The following PTPRT variants were observed in gnomAD, a reference collection of about 807,000 sequenced individuals.
PTPRT encodes the protein protein tyrosine phosphatase receptor type T.
In PTPRT, 56 loss-of-function variants were observed where a neutral mutation model predicts 176.8. The observed-to-expected ratio is 0.32, with a 90% CI of 0.26 to 0.40. The LOEUF (loss-of-function observed/expected upper bound fraction) is 0.40. Ranked by LOEUF, PTPRT falls within the 10% of genes least tolerant of loss-of-function variation. The pLI is 1.00. For synonymous variants in PTPRT, 783 were observed against 739.0 expected (o/e 1.06, Z -0.96); for missense variants, 1,540 against 1,908.2 (o/e 0.81, Z 3.60).
chr20:42,059,593 TAAG>T, the PTPRT span, among the ~76,000 whole-genome samples: 11 of 152,094 alleles, frequency 7.2e-5, no homozygotes, highest in Non-Finnish European at 1.5e-4. Context: ...TCAGAAGCAA[TAAG>T]GAGAAGATGA....
intron 16 of PTPRT, among the ~76,000 whole-genome samples, chr20:42,179,689 C>T (rs751255631): frequency 1.6e-4 from 24 of 152,182 alleles, no homozygotes; most frequent in Non-Finnish European, 2.8e-4. Flanking sequence ...AGCAATGATG[C>T]TTTCAGAAAA....
intron 9 of PTPRT, among the ~76,000 whole-genome samples, chr20:42,402,589 A>G (rs1443099211): frequency 6.6e-6 from 1 of 152,026 alleles, no homozygotes; most frequent in African/African-American, 2.4e-5. Context: ...ACCCACATCC[A>G]ATAATATGCG....
chr20:42,928,469 G>A (rs1979626550), intron 1 of PTPRT, among the ~76,000 whole-genome samples: 1 of 152,182 alleles, frequency 6.6e-6, no homozygotes, highest in South Asian at 2.1e-4. Context: ...GGGAATCTCT[G>A]GGGTGCACCT....
At chr20:43,085,890 G>A (rs752058154) in intron 1 of PTPRT, among the ~76,000 whole-genome samples, 7 of 152,076 alleles carry the variant, frequency 4.6e-5, no homozygotes, top group African/African-American at 1.2e-4. Context: ...AGTACAGAGC[G>A]CTAAGGATCC....
chr20:42,154,047 C>G (rs1186016732), intron 17 of PTPRT, among the ~76,000 whole-genome samples: 1 of 152,126 alleles, frequency 6.6e-6, no homozygotes, highest in African/African-American at 2.4e-5. Context: ...GTGAAACGAG[C>G]AGGTGGAGCC....
At chr20:43,008,782 A>C (rs925779475) in intron 1 of PTPRT, among the ~76,000 whole-genome samples, 1 of 152,204 alleles carries the variant, frequency 6.6e-6, no homozygotes, top group Non-Finnish European at 1.5e-5. Context: ...CCCAAACTCG[A>C]ATTAAGATAC....
intron 4 of PTPRT, among the ~76,000 whole-genome samples, chr20:42,772,804 T>C (rs2077082142): frequency 6.6e-6 from 1 of 152,228 alleles, no homozygotes; most frequent in African/African-American, 2.4e-5. Context: ...GTAACAATAA[T>C]GTCATTTACT....
intron 1 of PTPRT, among the ~76,000 whole-genome samples, chr20:43,053,510 A>G (rs1194132244): frequency 6.6e-6 from 1 of 152,194 alleles, no homozygotes; most frequent in Non-Finnish European, 1.5e-5. Context: ...CCCAGGTACC[A>G]GCACCCATCA....
At chr20:42,646,065 C>T (rs947727952) in intron 7 of PTPRT, among the ~76,000 whole-genome samples, 58 of 152,104 alleles carry the variant, frequency 3.8e-4, no homozygotes, top group African/African-American at 1.3e-3. Flanking sequence ...CCTAGATTCT[C>T]CTTACCCAGC....
chr20:42,187,822 T>C (rs1366218209), intron 16 of PTPRT, among the ~76,000 whole-genome samples: 3 of 152,228 alleles, frequency 2.0e-5, no homozygotes, highest in Non-Finnish European at 4.4e-5. Flanking sequence ...ACTGTTTTGA[T>C]GTTATACCCT....
intron 21 of PTPRT, chr20:42,116,128 CA>C (rs768084652): frequency 2.8e-5 from 20 of 712,548 alleles, no homozygotes; most frequent in South Asian, 2.7e-4. Flanking sequence ...AAACAAGAAA[CA>C]AAAAACAAAC....
At chr20:43,039,488 C>T (rs556309032) in intron 1 of PTPRT, among the ~76,000 whole-genome samples, 1 of 151,380 alleles carries the variant, frequency 6.6e-6, no homozygotes, top group African/African-American at 2.4e-5. Flanking sequence ...CATAAAAGCA[C>T]CAGAAAAAAA....
chr20:42,627,514 T>G (rs1426748783), intron 7 of PTPRT, among the ~76,000 whole-genome samples: 2 of 152,044 alleles, frequency 1.3e-5, no homozygotes, highest in African/African-American at 4.8e-5. Flanking sequence ...TCAAGCAATC[T>G]TTCTGCCTTG....
chr20:42,883,849 C>CAT (rs1568658774), intron 2 of PTPRT, among the ~76,000 whole-genome samples: 22 of 3,256 alleles, frequency 6.8e-3, no homozygotes, highest in African/African-American at 0.01. Flanking sequence ...TACACATAGA[C>CAT]ACACACCCCC....
intron 25 of PTPRT, 84 bp downstream of exon 25, chr20:42,104,485 C>T: frequency 7.0e-7 from 1 of 1,423,508 alleles, no homozygotes; most frequent in Non-Finnish European, 9.6e-7. Flanking sequence ...AAGTGTCTGT[C>T]ATTTAAACCA....
intron 1 of PTPRT, among the ~76,000 whole-genome samples, chr20:43,168,645 G>A (rs897207485): frequency 2.0e-5 from 3 of 152,140 alleles, no homozygotes; most frequent in Admixed American, 6.5e-5. Context: ...TTAGAGGAAG[G>A]AGAGAAGAAC....
intron 1 of PTPRT, among the ~76,000 whole-genome samples, chr20:43,126,291 C>T (rs2013435467): frequency 6.6e-6 from 1 of 150,650 alleles, no homozygotes. Flanking sequence ...ATGGAGGTTG[C>T]AGTGAGCCAA....
intron 9 of PTPRT, among the ~76,000 whole-genome samples, chr20:42,359,854 G>A (rs774260377): frequency 6.6e-5 from 10 of 152,294 alleles, no homozygotes; most frequent in East Asian, 1.9e-4. Flanking sequence ...GTTCCTGGCC[G>A]TATCAGCCCT....
At chr20:42,369,098 C>CTCCT (rs1177939207) in intron 9 of PTPRT, among the ~76,000 whole-genome samples, 1 of 150,840 alleles carries the variant, frequency 6.6e-6, no homozygotes, top group Non-Finnish European at 1.5e-5. Flanking sequence ...CCTTCCTTCC[C>CTCCT]TCCTTCCTTC....
Sources: allele counts gnomAD v4.1 joint callset (sites outside exome capture counted in the v4.1 genomes callset), GRCh38; gene constraint gnomAD v4.1.1; transcripts MANE v1.5; gene names NCBI Gene and HGNC (gene_info 2026-07-23, HGNC 2026-07-21).